RSRC1: variants seen among roughly 807,000 people sequenced by gnomAD.
The protein encoded by RSRC1 is serine/Arginine-related protein 53.
A neutral mutation model predicts 49.1 loss-of-function variants in RSRC1; 39 were observed. That is an observed-to-expected ratio of 0.79 (90% CI 0.61 to 1.04). RSRC1 has a LOEUF of 1.04. Among genes scored for constraint, RSRC1 ranks in the 50% least tolerant of loss-of-function variants. The pLI, the probability that RSRC1 is intolerant of heterozygous loss-of-function variation, is 0.00. For synonymous variants in RSRC1, 143 were observed against 130.8 expected, an observed-to-expected ratio of 1.09 and a Z score of -0.63; for missense variants, 388 against 402.4, an observed-to-expected ratio of 0.96 and a Z score of 0.31.
At chr3:158,321,561 T>G (rs529287771) in intron 5 of RSRC1, among the ~76,000 whole-genome samples, 423 of 119,862 alleles carry the variant, frequency 3.5e-3, no homozygotes, top group African/African-American at 0.014. Flanking sequence ...TATTTTTGTG[T>G]TTTTTTTTTT....
intron 3 of RSRC1, among the ~76,000 whole-genome samples, chr3:158,187,158 A>G (rs569809340): frequency 6.6e-6 from 1 of 152,100 alleles, no homozygotes; most frequent in South Asian, 2.1e-4. Flanking sequence ...AAAACAAAAC[A>G]GCTGTCCCCC....
rs1432887112 is a variant in RSRC1, at chr3:158,345,008, C to T, written c.532-9849C>T. On this transcript the variant is annotated intron_variant, in intron 5 of 9. Transcript: ENST00000611884. ...CCGAGGCTGGCGGATCGCCTGAGGTCGGGAGTTTGAGACCAGTCTGGCCAA... is the reference window on the plus strand; with the variant it reads ...CCGAGGCTGGCGGATCGCCTGAGGTTGGGAGTTTGAGACCAGTCTGGCCAA... Among the ~76,000 whole-genome samples, 8 of 151,744 alleles carry T rather than the reference C, an allele frequency of 5.3e-5. No individual in the cohort carries two copies. The East Asian group carries it at 9.7e-4, about 18-fold the overall frequency.
intron 3 of RSRC1, among the ~76,000 whole-genome samples, chr3:158,139,321 A>G (rs6441175): frequency 0.63 from 95,985 of 151,762 alleles, 30,955 homozygotes; most frequent in African/African-American, 0.73. Flanking sequence ...CAGGAGAATC[A>G]CTTGAACCTG....
intron 7 of RSRC1, among the ~76,000 whole-genome samples, chr3:158,466,913 G>A (rs1737916836): frequency 6.6e-6 from 1 of 152,108 alleles, no homozygotes. Context: ...AAAAAGATTA[G>A]TCAGGCATGG....
intron 5 of RSRC1, among the ~76,000 whole-genome samples, chr3:158,348,183 T>C (rs556324120): frequency 6.6e-6 from 1 of 152,312 alleles, no homozygotes; most frequent in Admixed American, 6.5e-5. Flanking sequence ...CTCAAAAGTG[T>C]TGTTGGCAGA....
At chr3:158,171,890 A>G (rs897102785) in intron 3 of RSRC1, among the ~76,000 whole-genome samples, 1 of 152,030 alleles carries the variant, frequency 6.6e-6, no homozygotes, top group Non-Finnish European at 1.5e-5. Context: ...AGGTCAAGGC[A>G]TGAGCAAACC....
chr3:158,285,229 C>G lies in RSRC1; in HGVS notation c.495-12810C>G, dbSNP rs538810873. Among the ~76,000 whole-genome samples, 154 of 152,202 alleles carry G rather than the reference C, an allele frequency of 1.0e-3. 5 individuals carry two copies. In the South Asian group the frequency reaches 0.031, roughly 30 times the overall value. ...AGTTATTCGGCGTTATTTCTGAGGG[C>G]TCTGTTCTGTTCCATTGATCTATAT... On this transcript the variant is annotated intron_variant, in intron 4 of 9. Coordinates refer to ENST00000611884, the MANE Select transcript of RSRC1 (RefSeq NM_001271838.2).
intron 3 of RSRC1, among the ~76,000 whole-genome samples, chr3:158,137,311 T>G (rs1025090420): frequency 6.6e-6 from 1 of 152,092 alleles, no homozygotes; most frequent in Non-Finnish European, 1.5e-5. Flanking sequence ...CTGTTAAGTA[T>G]TATTTAGAAA....
chr3:158,383,709 G>A (rs1296000802), intron 6 of RSRC1, among the ~76,000 whole-genome samples: 1 of 152,036 alleles, frequency 6.6e-6, no homozygotes, highest in African/African-American at 2.4e-5. Flanking sequence ...ACAGTATTTT[G>A]ATTTATTTTA....
chr3:158,163,628 A>T (rs1440188836), intron 3 of RSRC1, among the ~76,000 whole-genome samples: 1 of 152,066 alleles, frequency 6.6e-6, no homozygotes, highest in Non-Finnish European at 1.5e-5. Context: ...GTTTTCTTTC[A>T]AGGATCTTTT....
At chr3:158,409,278 C>G (rs907360510) in intron 6 of RSRC1, among the ~76,000 whole-genome samples, 44 of 152,100 alleles carry the variant, frequency 2.9e-4, no homozygotes, top group African/African-American at 1.0e-3. Context: ...ATACCCTGAA[C>G]TTAAAAGTTT....
chr3:158,189,906 A>G (rs540257152), intron 3 of RSRC1, among the ~76,000 whole-genome samples: 49 of 151,902 alleles, frequency 3.2e-4, no homozygotes, highest in Non-Finnish European at 5.5e-4. Context: ...TCAGTGACTT[A>G]CCTAGAATTT....
chr3:158,207,795 G>A (rs1721433674), intron 4 of RSRC1, among the ~76,000 whole-genome samples: 1 of 151,856 alleles, frequency 6.6e-6, no homozygotes, highest in Non-Finnish European at 1.5e-5. Flanking sequence ...AAACAGGAAA[G>A]AAAGGAATGC....
Position 158,188,881 on chromosome 3 carries a change from C to G in RSRC1, c.321-14191C>G, listed in dbSNP as rs79691676. On this transcript the variant is annotated intron_variant, in intron 3 of 9. Transcript: ENST00000611884. Reference sequence around the variant, plus strand: ...AACCTTTTGAGTTTACTCTTCTGCTCTTTTTCTCTTTGAGATGGATGCTTA... The same window carrying G: ...AACCTTTTGAGTTTACTCTTCTGCTGTTTTTCTCTTTGAGATGGATGCTTA... Among the ~76,000 whole-genome samples, 4 of 151,840 alleles carry G rather than the reference C, an allele frequency of 2.6e-5. No homozygotes were observed. In the East Asian group the frequency reaches 7.7e-4, roughly 29 times the overall value.
chr3:158,359,848 G>A (rs960958431), intron 6 of RSRC1, among the ~76,000 whole-genome samples: 1 of 152,208 alleles, frequency 6.6e-6, no homozygotes, highest in African/African-American at 2.4e-5. Flanking sequence ...ACACAGACAA[G>A]TGGAGGGTGA....
chr3:158,422,686 C>T (rs1015253469), intron 6 of RSRC1, among the ~76,000 whole-genome samples: 3 of 150,786 alleles, frequency 2.0e-5, no homozygotes, highest in Admixed American at 1.3e-4. Context: ...GTTTACAGTC[C>T]CACCAACAGT....
chr3:158,287,996 T>C (rs913498345), intron 4 of RSRC1, among the ~76,000 whole-genome samples: 4 of 152,210 alleles, frequency 2.6e-5, no homozygotes, highest in African/African-American at 7.2e-5. Flanking sequence ...GGCCGGGGCA[T>C]ATGGCTTTTA....
chr3:158,357,068 G>A (rs1160261106), intron 6 of RSRC1, among the ~76,000 whole-genome samples: 1 of 152,142 alleles, frequency 6.6e-6, no homozygotes, highest in Non-Finnish European at 1.5e-5. Flanking sequence ...GCCTAGGCCC[G>A]ATAAGCAAAA....
chr3:158,542,014 G>T (rs951116235), intron 8 of RSRC1, among the ~76,000 whole-genome samples: 1 of 152,050 alleles, frequency 6.6e-6, no homozygotes, highest in South Asian at 2.1e-4. Flanking sequence ...TTGCATGATG[G>T]TATAAGAAAT....
Sources: gnomAD v4.1 joint callset for allele counts (sites outside exome capture counted in the v4.1 genomes callset) on GRCh38, gnomAD v4.1.1 for gene constraint, MANE v1.5 for transcripts, NCBI Gene and HGNC (gene_info 2026-07-23, HGNC 2026-07-21) for gene names.